The following CDH17 variants were observed in gnomAD, a reference collection of about 807,000 sequenced individuals.
CDH17 encodes the protein cadherin-17.
In CDH17, 67 loss-of-function variants were observed where a neutral mutation model predicts 86.3. The ratio of observed to expected loss-of-function variants is 0.78; its 90% CI spans 0.64 to 0.95. The LOEUF (loss-of-function observed/expected upper bound fraction) is 0.95. Ranked by LOEUF, CDH17 falls within the 40% of genes least tolerant of loss-of-function variation. The pLI, the probability that CDH17 is intolerant of heterozygous loss-of-function variation, is 0.00. For missense variants in CDH17, 993 were observed against 1,017.6 expected (o/e 0.98, Z 0.33); for synonymous variants, 367 against 366.4 (o/e 1.00, Z -0.02).
intron 15 of CDH17, among the ~76,000 whole-genome samples, chr8:94,135,079 T>C (rs1016522525): frequency 6.6e-6 from 1 of 152,108 alleles, no homozygotes; most frequent in African/African-American, 2.4e-5. Flanking sequence ...TAACTTCCAA[T>C]TATATGGTCA....
rs570506832 is a variant in CDH17 at position 94,180,712 on chromosome 8, G to A, written c.151-2991C>T. Reference sequence around the variant, plus strand: ...AGATCGAGACCTTCCTGGCTAACACGGTGAAACCCCATCTCTACTAAAAAC... The same window carrying A: ...AGATCGAGACCTTCCTGGCTAACACAGTGAAACCCCATCTCTACTAAAAAC... On this transcript the variant is annotated intron_variant, in intron 3 of 17. Transcript: ENST00000027335. 3.9e-5 allele frequency among the ~76,000 whole-genome samples: 6 copies of A among 152,110 alleles called. No individual in the cohort carries two copies. The South Asian group carries it at 1.0e-3, about 26-fold the overall frequency.
chr8:94,129,965 C>T (rs1046030800), intron 17 of CDH17, among the ~76,000 whole-genome samples: 2 of 152,084 alleles, frequency 1.3e-5, no homozygotes, highest in Admixed American at 6.5e-5. Context: ...CTGGAAAAAA[C>T]CCAAAATCTG....
chr8:94,199,071 ATATATATATATATTT>A (rs1230227595), intron 1 of CDH17, among the ~76,000 whole-genome samples: 665 of 16,264 alleles, frequency 0.041, 16 homozygotes, highest in Non-Finnish European at 0.091. Context: ...ATATATATAT[ATATATATATATATTT>A]TTTTTTTTTT....
At chr8:94,185,640 G>T (rs1813564615) in intron 3 of CDH17, among the ~76,000 whole-genome samples, 2 of 152,034 alleles carry the variant, frequency 1.3e-5, no homozygotes, top group African/African-American at 4.8e-5. Context: ...TTTTCATACA[G>T]AAATCTCAGA....
rs138460354 is a variant in CDH17, at chr8:94,203,854, G to C, written c.-21+4629C>G. Among the ~76,000 whole-genome samples, 30 of 152,266 alleles carry C rather than the reference G, an allele frequency of 2.0e-4. No individual in the cohort carries two copies. In the East Asian group the frequency reaches 5.6e-3, roughly 28 times the overall value. ...GGAAGAAGGAAGGAAAGGAGGGAGGGAGGGATGAACATACATACATAAACA... is the reference window on the plus strand; with the variant it reads ...GGAAGAAGGAAGGAAAGGAGGGAGGCAGGGATGAACATACATACATAAACA... On this transcript the variant is annotated intron_variant, in intron 1 of 17. Transcript: ENST00000027335.
At chr8:94,178,519 G>A (rs1813417361) in intron 3 of CDH17, among the ~76,000 whole-genome samples, 1 of 151,908 alleles carries the variant, frequency 6.6e-6, no homozygotes, top group Non-Finnish European at 1.5e-5. Flanking sequence ...CATGCTTATA[G>A]TGAAAGTAAC....
Position 94,173,703 on chromosome 8 carries a change from A to T in CDH17, c.783+94T>A, listed in dbSNP as rs1586261140. ...AATCATGCTATGAAAAAGGTATCTAATAAGTGTATCAGTGAAGACTGTGAG... is the reference window on the plus strand; with the variant it reads ...AATCATGCTATGAAAAAGGTATCTATTAAGTGTATCAGTGAAGACTGTGAG... On this transcript the variant is annotated intron_variant, in intron 7 of 17. Transcript: ENST00000027335. 5.5e-6 allele frequency: 5 copies of T among 905,976 alleles called. No individual in the cohort carries two copies. In the East Asian group the frequency reaches 1.2e-4, roughly 22 times the overall value. 56.1% of individuals were successfully genotyped at this position (905,976 alleles called of 1,614,324 possible). A position where few individuals can be genotyped will look rare whatever the true frequency, so the allele number is the denominator to read the frequency against.
chr8:94,200,638 C>T (rs775158818), intron 1 of CDH17, among the ~76,000 whole-genome samples: 19 of 147,674 alleles, frequency 1.3e-4, no homozygotes, highest in Non-Finnish European at 2.2e-4. Context: ...CAATGGGCAC[C>T]ACCATGACCA....
chr8:94,190,206 CAGGT>C (rs1310743078), intron 2 of CDH17, among the ~76,000 whole-genome samples: 1 of 152,216 alleles, frequency 6.6e-6, no homozygotes, highest in African/African-American at 2.4e-5. Flanking sequence ...ATTATTTGCC[CAGGT>C]AGTGGCTGGA....
intron 1 of CDH17, among the ~76,000 whole-genome samples, chr8:94,215,869 T>TG (rs1460204363): frequency 6.6e-6 from 1 of 151,940 alleles, no homozygotes; most frequent in African/African-American, 2.4e-5. Context: ...CGAGGTTTTT[T>TG]TTTTTTTTTT....
In CDH17 at chr8:94,130,686, T is replaced by G. The variant is rs779910161; in HGVS notation, c.2338A>C (p.Thr780Pro). 6.2e-7 allele frequency: 1 copy of G among 1,614,010 alleles called. No individual in the cohort carries two copies. The highest frequency in any genetic ancestry group is 8.5e-7 in the Non-Finnish European group (1 of 1,179,978). The change falls in exon 17 of 18, where the codon ACT becomes CCT. Residue 780 changes from threonine (T) to proline (P), a missense_variant. Transcript: ENST00000027335. ...GCCATGCCCACAGTGGGTATCCCAG[T>G]CTGGTGACCTGCTGGCCGGAAACAA... ...GSCFRPAGHQ[T>P]GIPTVGMAVG...
At chr8:94,201,866 T>C (rs1168295233) in intron 1 of CDH17, 1 of 155,194 alleles carries the variant, frequency 6.4e-6, no homozygotes, top group African/African-American at 2.4e-5. Context: ...ATTAACGGCA[T>C]TCATTTATTT....
chr8:94,172,425 T>G (rs558756905), intron 7 of CDH17, among the ~76,000 whole-genome samples: 64 of 152,160 alleles, frequency 4.2e-4, no homozygotes, highest in Admixed American at 1.2e-3. Context: ...CCAGGGCCCC[T>G]TAACAATAGT....
chr8:94,210,444 G>C (rs898664019), upstream of CDH17, among the ~76,000 whole-genome samples: 1 of 152,046 alleles, frequency 6.6e-6, no homozygotes, highest in African/African-American at 2.4e-5. Flanking sequence ...TTGCATTTCT[G>C]AATTACAGAA....
rs1178119930 is a variant in CDH17 at position 94,188,403 on chromosome 8, C to T, written c.150+784G>A. Among the ~76,000 whole-genome samples the T allele has an allele frequency of 2.0e-5, 3 of 152,050 alleles. 1 individual carries two copies. Among genetic ancestry groups the T allele is most frequent in the Middle Eastern group, 6.3e-3 (2 of 316 alleles). ...TTTGGCAGTTAATGGAAGGCACTTG[C>T]CTTAGAAGGTAGGTAGCTCAGCAAC... On this transcript the variant is annotated intron_variant, in intron 3 of 17. Transcript: ENST00000027335.
At chr8:94,217,117 T>G (rs995210335) in intron 1 of CDH17, 1 of 150,426 alleles carries the variant, frequency 6.6e-6, no homozygotes, top group Admixed American at 6.7e-5. Flanking sequence ...CAAAAAATAA[T>G]AAGAATAAAG....
At chr8:94,195,230 T>C (rs1813760305) in intron 1 of CDH17, among the ~76,000 whole-genome samples, 1 of 152,212 alleles carries the variant, frequency 6.6e-6, no homozygotes, top group Admixed American at 6.5e-5. Context: ...TTCGAATTCC[T>C]GACTTCAGGT....
At chr8:94,168,820 T>C (rs1353812163) in intron 9 of CDH17, among the ~76,000 whole-genome samples, 1 of 152,158 alleles carries the variant, frequency 6.6e-6, no homozygotes, top group Non-Finnish European at 1.5e-5. Flanking sequence ...AACCCCATCC[T>C]GTTGAGTGCA....
At chr8:94,154,562 C>T (rs1812912455) in intron 12 of CDH17, among the ~76,000 whole-genome samples, 1 of 152,094 alleles carries the variant, frequency 6.6e-6, no homozygotes. Flanking sequence ...CAGGAATGAA[C>T]ATCAAGAAAC....
Sources: allele counts gnomAD v4.1 joint callset (sites outside exome capture counted in the v4.1 genomes callset), GRCh38; gene constraint gnomAD v4.1.1; transcripts MANE v1.5; gene names NCBI Gene and HGNC (gene_info 2026-07-23, HGNC 2026-07-21).